The following STAT1 variants were observed in gnomAD, a reference collection of about 807,000 sequenced individuals.
STAT1 encodes the protein signal transducer and activator of transcription 1-alpha/beta.
Under a neutral mutation model 111.7 loss-of-function variants are expected in STAT1, and 24 were observed. The ratio of observed to expected loss-of-function variants is 0.21; its 90% CI spans 0.16 to 0.30. The LOEUF is 0.30. STAT1 is among the 10% of genes least tolerant of loss of function. The pLI is 1.00. For synonymous variants in STAT1, 332 were observed against 326.5 expected (o/e 1.02, Z -0.18); for missense variants, 351 against 911.9 (o/e 0.38, Z 7.92).
Position 190,998,687 on chromosome 2 carries a change from A to C in STAT1, c.542-379T>G, listed in dbSNP as rs1694034444. On this transcript the variant is annotated intron_variant, in intron 7 of 24. Transcript: ENST00000361099. The surrounding 1 kb of genome is among the most constrained non-coding windows in gnomAD (Gnocchi z 4.1). ...CAAAAAAAAACAAAAAAAACAAAAA[A>C]AAAACAAAAAAAACTTGTTTTCAGT... 6.6e-6 allele frequency among the ~76,000 whole-genome samples: 1 copy of C among 151,554 alleles called. No individual in the cohort carries two copies. The highest frequency in any genetic ancestry group is 1.5e-5 in the Non-Finnish European group (1 of 67,908).
At position 190,989,815 on chromosome 2, in the gene STAT1, G is replaced by A; in HGVS notation, c.1038-141C>T. On this transcript the variant is annotated intron_variant, in intron 11 of 24. Transcript: ENST00000361099. This position sits in a 1 kb window ranked among gnomAD's most constrained non-coding sequence, Gnocchi z 5.0. ...TACCAACAAAAAAACTGACAGTTTT[G>A]TAGATCTACTTAAATTTTTGTAAGT... The A allele has an allele frequency of 1.6e-6, 1 of 636,660 alleles. No individual in the cohort carries two copies. 39.4% of individuals were successfully genotyped at this position (636,660 alleles called of 1,614,324 possible).
Position 190,977,540 on chromosome 2 carries a change from A to G in STAT1, c.1874-515T>C, listed in dbSNP as rs1256939871. On this transcript the variant is annotated intron_variant, in intron 21 of 24. Transcript: ENST00000361099. The surrounding 1 kb of genome is among the most constrained non-coding windows in gnomAD (Gnocchi z 4.7). ...TTTCCCTGTAACCCTTAACGTAATA[A>G]ACCATGGTTTAATTTACTCCCGTTC... is the stretch of plus-strand genomic sequence containing the variant. Among the ~76,000 whole-genome samples the G allele has an allele frequency of 6.6e-6, 1 of 152,218 alleles. No homozygotes were observed. The highest frequency in any genetic ancestry group is 1.5e-5 in the Non-Finnish European group (1 of 68,042).
rs999235618 is a variant in STAT1, at chr2:190,970,390, A to T, written c.*313T>A. On this transcript the variant is annotated 3_prime_UTR_variant, in exon 25 of 25. Transcript: ENST00000361099. This position sits in a 1 kb window ranked among gnomAD's most constrained non-coding sequence, Gnocchi z 5.4. ...GCATAACATTTGCTAGATGTTGCTT[A>T]ACTTCTCCTTTCCCAAAGGACCCTC... 4 of 448,826 alleles carry T rather than the reference A, an allele frequency of 8.9e-6. No homozygotes were observed. The highest frequency in any genetic ancestry group is 8.0e-5 in the African/African-American group (4 of 50,216). The allele number at this position is 448,826 out of a possible 1,614,324, so 27.8% of individuals were successfully genotyped here.
chr2:191,001,162 G>A lies in STAT1; in HGVS notation c.374C>T (p.Ala125Val). Residue 125 changes from alanine to valine, a missense_variant and splice_region_variant, in exon 6 of 25, where the codon GCT becomes GTT. Ala to Val is a moderately conservative substitution (Grantham distance 64). Coordinates refer to ENST00000361099, the MANE Select transcript of STAT1 (RefSeq NM_007315.4). ...TGTGCTCTGAATATTCCCCGACTGA[G>A]CCTGTAATGGGAAGGGCATGATTAT... The part of the protein sequence containing the change: ...ILENAQRFNQ[A>V]QSGNIQSTVM... The A allele has an allele frequency of 6.2e-7, 1 of 1,612,872 alleles. No individual in the cohort carries two copies.
rs1694206908 is a variant in STAT1 at position 191,000,755 on chromosome 2, G to A, written c.462+319C>T. Among the ~76,000 whole-genome samples, 1 of 152,220 alleles carries A rather than the reference G, an allele frequency of 6.6e-6. No homozygotes were observed. Among genetic ancestry groups the A allele is most frequent in the Non-Finnish European group, 1.5e-5 (1 of 68,044 alleles). ...ATCCTGGGGCACTGTGATTTGAGAGGTGTGGACATAAAGGCCCATTTAGAG... is the reference window on the plus strand; with the variant it reads ...ATCCTGGGGCACTGTGATTTGAGAGATGTGGACATAAAGGCCCATTTAGAG... On this transcript the variant is annotated intron_variant, in intron 6 of 24. Transcript: ENST00000361099. This position sits in a 1 kb window ranked among gnomAD's most constrained non-coding sequence, Gnocchi z 4.8.
intron 10 of STAT1, among the ~76,000 whole-genome samples, chr2:190,991,717 T>A (rs1693355675): frequency 6.6e-6 from 1 of 151,554 alleles, no homozygotes; most frequent in African/African-American, 2.4e-5. Context: ...TTTTTTTTAA[T>A]TAGCCAGGCG....
At chr2:190,972,569 T>G (rs888487060) in intron 24 of STAT1, among the ~76,000 whole-genome samples, 2 of 152,178 alleles carry the variant, frequency 1.3e-5, no homozygotes, top group African/African-American at 4.8e-5. Flanking sequence ...GAGCTGCTTC[T>G]GTTTCAGAGT....
rs534534347 is a variant in STAT1 at position 190,971,850 on chromosome 2, T to C, written c.2239-1133A>G. On this transcript the variant is annotated intron_variant, in intron 24 of 24. Transcript: ENST00000361099. This position sits in a 1 kb window ranked among gnomAD's most constrained non-coding sequence, Gnocchi z 4.1. ...GCCTCAGCCCCCCTAGTAGCTGGGATTACAGGCACACACCACCATGGCTGG... is the reference window on the plus strand; with the variant it reads ...GCCTCAGCCCCCCTAGTAGCTGGGACTACAGGCACACACCACCATGGCTGG... Among the ~76,000 whole-genome samples, 4 of 152,148 alleles carry C rather than the reference T, an allele frequency of 2.6e-5. No individual in the cohort carries two copies. Among genetic ancestry groups the C allele is most frequent in the East Asian group, 1.9e-4 (1 of 5,174 alleles).
At chr2:190,991,833 G>A (rs146995346) in intron 10 of STAT1, among the ~76,000 whole-genome samples, 115 of 152,120 alleles carry the variant, frequency 7.6e-4, no homozygotes, top group South Asian at 1.5e-3. Flanking sequence ...CTCCAGTCTG[G>A]ATGACAGAGT....
At position 190,991,213 on chromosome 2, in the gene STAT1, T is replaced by C; in HGVS notation, c.1037+15A>G. On this transcript the variant is annotated intron_variant, in intron 11 of 24. Transcript: ENST00000361099. ...GTGACAGGTGATGTATGGGATGCCATCTTTCCCTTGTTACCTCAACTTCAC... is the reference window on the plus strand; with the variant it reads ...GTGACAGGTGATGTATGGGATGCCACCTTTCCCTTGTTACCTCAACTTCAC... 1.9e-6 allele frequency: 3 copies of C among 1,613,210 alleles called. No individual in the cohort carries two copies. The highest frequency in any genetic ancestry group is 4.5e-5 in the East Asian group (2 of 44,874).
At position 190,982,000 on chromosome 2, in the gene STAT1, C is replaced by CT. The variant is rs1692429648; in HGVS notation, c.1582+382dup. Among the ~76,000 whole-genome samples the CT allele has an allele frequency of 6.6e-6, 1 of 152,202 alleles. No homozygotes were observed. Among genetic ancestry groups the CT allele is most frequent in the Non-Finnish European group, 1.5e-5 (1 of 68,024 alleles). On this transcript the variant is annotated intron_variant, in intron 18 of 24. Coordinates refer to ENST00000361099, the MANE Select transcript of STAT1 (RefSeq NM_007315.4). The surrounding 1 kb of genome is among the most constrained non-coding windows in gnomAD (Gnocchi z 4.1). ...ATGCTGCAGTGGGCAAGCCCCAGGACTTTATTTCTCATCATGTCAGGGACT... is the reference window on the plus strand; with the variant it reads ...ATGCTGCAGTGGGCAAGCCCCAGGACTTTTATTTCTCATCATGTCAGGGACT...
intron 2 of STAT1, 65 bp downstream of exon 2, chr2:191,013,460 T>C (rs764952066): frequency 7.3e-5 from 29 of 394,996 alleles, no homozygotes; most frequent in African/African-American, 1.4e-4. Context: ...TCTTTGAACA[T>C]AGAAACATAA....
chr2:190,994,480 G>A (rs1203117688), intron 10 of STAT1, among the ~76,000 whole-genome samples: 1 of 152,046 alleles, frequency 6.6e-6, no homozygotes, highest in African/African-American at 2.4e-5. Flanking sequence ...GGAGGGGAGA[G>A]GAGGAGGTGA....
In STAT1 at chr2:190,987,280, A is replaced by C. The variant is rs1331684000; in HGVS notation, c.1098-212T>G. 6.6e-6 allele frequency among the ~76,000 whole-genome samples: 1 copy of C among 152,224 alleles called. No individual in the cohort carries two copies. Among genetic ancestry groups the C allele is most frequent in the Non-Finnish European group, 1.5e-5 (1 of 68,042 alleles). ...ATCACTGAATGACCTTTGGCAAATAAATGGTCTGGGCCTTACATTGTTCAT... is the reference window on the plus strand; with the variant it reads ...ATCACTGAATGACCTTTGGCAAATACATGGTCTGGGCCTTACATTGTTCAT... On this transcript the variant is annotated intron_variant, in intron 12 of 24. Coordinates refer to ENST00000361099, the MANE Select transcript of STAT1 (RefSeq NM_007315.4). The surrounding 1 kb of genome is among the most constrained non-coding windows in gnomAD (Gnocchi z 4.0).
rs1694689005 is a variant in STAT1, at chr2:191,006,291, G to C, written c.372+1272C>G. ...ACACCTCTTTCAGAGGAGACAACCTGGCCAGCTTCTCCTCCAGCGTTGATA... is the reference window on the plus strand; with the variant it reads ...ACACCTCTTTCAGAGGAGACAACCTCGCCAGCTTCTCCTCCAGCGTTGATA... On this transcript the variant is annotated intron_variant, in intron 5 of 24. Transcript: ENST00000361099. The surrounding 1 kb of genome is among the most constrained non-coding windows in gnomAD (Gnocchi z 4.6). Among the ~76,000 whole-genome samples the C allele has an allele frequency of 6.6e-6, 1 of 152,180 alleles. No homozygotes were observed. The highest frequency in any genetic ancestry group is 2.4e-5 in the African/African-American group (1 of 41,438).
chr2:191,010,051 T>C (rs867538181), intron 2 of STAT1, 47 bp from the exon 3 acceptor site: 3 of 1,607,902 alleles, frequency 1.9e-6, no homozygotes, highest in Middle Eastern at 1.7e-4. Flanking sequence ...ATGGAAACCA[T>C]AGCTCCAAAG....
chr2:191,005,369 A>C (rs569513775), intron 5 of STAT1, among the ~76,000 whole-genome samples: 47 of 152,396 alleles, frequency 3.1e-4, no homozygotes, highest in Non-Finnish European at 5.0e-4. Flanking sequence ...ACAATGGTTC[A>C]GTCAACGATG....
At position 190,980,773 on chromosome 2, in the gene STAT1, C is replaced by T; in HGVS notation, c.1583-104G>A. 1 of 1,128,772 alleles carries T rather than the reference C, an allele frequency of 8.9e-7. No individual in the cohort carries two copies. Among genetic ancestry groups the T allele is most frequent in the South Asian group, 1.3e-5 (1 of 77,824 alleles). 69.9% of individuals were successfully genotyped at this position (1,128,772 alleles called of 1,614,324 possible). ...TGCTCTCAAGGAAAAGAGCCAAACA[C>T]CCAACAAAGATTGTATGTACACAGT... is the stretch of plus-strand genomic sequence containing the variant. On this transcript the variant is annotated intron_variant, in intron 18 of 24. Transcript: ENST00000361099. The surrounding 1 kb of genome is among the most constrained non-coding windows in gnomAD (Gnocchi z 6.1).
In STAT1 at chr2:190,987,031, T is replaced by C; in HGVS notation, c.1127+8A>G. The C allele has an allele frequency of 1.9e-6, 3 of 1,611,218 alleles. No individual in the cohort carries two copies. Among genetic ancestry groups the C allele is most frequent in the Non-Finnish European group, 2.5e-6 (3 of 1,177,722 alleles). On this transcript the variant is annotated splice_region_variant and intron_variant, in intron 13 of 24. Transcript: ENST00000361099. The surrounding 1 kb of genome is among the most constrained non-coding windows in gnomAD (Gnocchi z 4.0). ...ATAGCACAGTATAGCGTAAAGTACG[T>C]CACGTACCCTTTTACTGTATTTCTC...
Sources: allele counts gnomAD v4.1 joint callset (sites outside exome capture counted in the v4.1 genomes callset), GRCh38; gene constraint gnomAD v4.1.1; non-coding constraint Gnocchi (gnomAD v3.1); transcripts MANE v1.5; gene names NCBI Gene and HGNC (gene_info 2026-07-23, HGNC 2026-07-21).